Variants in ZBTB41 observed in about 807,000 individuals in gnomAD.
The protein encoded by ZBTB41 is zinc finger and BTB domain-containing protein 41.
A neutral mutation model predicts 87.6 loss-of-function variants in ZBTB41; 42 were observed. The ratio of observed to expected loss-of-function variants is 0.48; its 90% CI spans 0.37 to 0.62. ZBTB41 has a LOEUF of 0.62. ZBTB41 is among the 20% of genes least tolerant of loss of function. The pLI, the probability that ZBTB41 is intolerant of heterozygous loss-of-function variation, is 0.00. For synonymous variants in ZBTB41, 364 were observed against 364.0 expected, an observed-to-expected ratio of 1.00 and a Z score of 0.00; for missense variants, 799 against 1,078.9, an observed-to-expected ratio of 0.74 and a Z score of 3.63.
intron 10 of ZBTB41, among the ~76,000 whole-genome samples, chr1:197,162,660 C>G (rs56387334): frequency 0.3 from 46,058 of 151,940 alleles, 8,731 homozygotes; most frequent in Middle Eastern, 0.45. Context: ...AAAAAATAAC[C>G]CCCACACCCA....
intron 10 of ZBTB41, among the ~76,000 whole-genome samples, chr1:197,166,848 A>G (rs1309260554): frequency 1.3e-5 from 2 of 152,156 alleles, no homozygotes; most frequent in Admixed American, 6.5e-5. Context: ...CTCGGTCTCA[A>G]AAACAACAAC....
intron 10 of ZBTB41, among the ~76,000 whole-genome samples, chr1:197,170,611 T>C (rs927254326): frequency 6.6e-5 from 10 of 152,230 alleles, no homozygotes; most frequent in African/African-American, 2.4e-4. Flanking sequence ...ATCTCAAAAA[T>C]GGACTTGGGA....
chr1:197,184,828 T>A (rs201656885), intron 5 of ZBTB41, among the ~76,000 whole-genome samples: 1 of 71,446 alleles, frequency 1.4e-5, no homozygotes, highest in Admixed American at 2.0e-4. Flanking sequence ...TTATTTATAT[T>A]TTTGAGACAG....
intron 4 of ZBTB41, among the ~76,000 whole-genome samples, chr1:197,189,087 A>C (rs1175968620): frequency 6.6e-6 from 1 of 152,244 alleles, no homozygotes; most frequent in Admixed American, 6.5e-5. Flanking sequence ...ACACTATCTT[A>C]TGCAGACTAA....
At chr1:197,168,003 G>A (rs1219489249) in intron 10 of ZBTB41, among the ~76,000 whole-genome samples, 3 of 152,100 alleles carry the variant, frequency 2.0e-5, no homozygotes, top group Non-Finnish European at 4.4e-5. Flanking sequence ...TAACTTGTTT[G>A]CATGCTTTGA....
intron 10 of ZBTB41, among the ~76,000 whole-genome samples, chr1:197,166,688 A>G (rs1049733017): frequency 6.6e-6 from 1 of 151,968 alleles, no homozygotes; most frequent in Admixed American, 6.6e-5. Context: ...TACTTAAAAA[A>G]AAAAAAAAAT....
intron 5 of ZBTB41, among the ~76,000 whole-genome samples, chr1:197,185,446 C>A (rs115721762): frequency 1.3e-5 from 2 of 152,046 alleles, no homozygotes; most frequent in African/African-American, 2.4e-5. Context: ...AATACTATAG[C>A]GCATTCCAAA....
At chr1:197,172,345 A>G (rs1659503200) in intron 9 of ZBTB41, 97 bp from the exon 10 acceptor site, 1 of 317,988 alleles carries the variant, frequency 3.1e-6, no homozygotes. Flanking sequence ...AACATAATGA[A>G]AATAAGTTGC....
intron 6 of ZBTB41, among the ~76,000 whole-genome samples, chr1:197,180,335 GTGA>G (rs1206498436): frequency 6.6e-6 from 1 of 152,120 alleles, no homozygotes; most frequent in Non-Finnish European, 1.5e-5. Context: ...CTATATTTGT[GTGA>G]TGACAAAACT....
At chr1:197,184,794 C>CTATCTATTTATT (rs150086401) in intron 5 of ZBTB41, among the ~76,000 whole-genome samples, 1 of 147,560 alleles carries the variant, frequency 6.8e-6, no homozygotes, top group East Asian at 2.0e-4. Context: ...AAGTTTACAA[C>CTATCTATTTATT]TATTTATTTA....
intron 10 of ZBTB41, among the ~76,000 whole-genome samples, chr1:197,167,438 A>G (rs797012201): frequency 2.6e-5 from 4 of 152,274 alleles, no homozygotes; most frequent in African/African-American, 9.6e-5. Context: ...CAAGCAAATC[A>G]TCCACCTCGA....
chr1:197,197,873 C>T (rs1427415442), intron 2 of ZBTB41, among the ~76,000 whole-genome samples: 1 of 152,184 alleles, frequency 6.6e-6, no homozygotes, highest in Non-Finnish European at 1.5e-5. Context: ...TAGCATGTCA[C>T]GGGACTAATG....
intron 8 of ZBTB41, among the ~76,000 whole-genome samples, chr1:197,175,588 G>C (rs144275416): frequency 6.6e-6 from 1 of 150,694 alleles, no homozygotes; most frequent in African/African-American, 2.4e-5. Context: ...GATTTCTTAC[G>C]TTTGCAATGA....
chr1:197,166,270 CAA>C (rs1221458311), intron 10 of ZBTB41, among the ~76,000 whole-genome samples: 5 of 151,664 alleles, frequency 3.3e-5, no homozygotes, highest in Non-Finnish European at 7.4e-5. Flanking sequence ...AATAAATCAA[CAA>C]AGAGAAAAAT....
chr1:197,159,032 A>G lies in ZBTB41; in HGVS notation c.*327T>C. ...AGAAGGAGAGGAATGAGACTAAAGA[A>G]GAATAAAAATTTCCACTGATGATTA... On this transcript the variant is annotated 3_prime_UTR_variant, in exon 11 of 11. Coordinates refer to ENST00000367405, the MANE Select transcript of ZBTB41 (RefSeq NM_194314.3). The G allele has an allele frequency of 3.9e-6, 1 of 258,698 alleles. No homozygotes were observed. The highest frequency in any genetic ancestry group is 5.2e-5 in the South Asian group (1 of 19,360). The allele number at this position is 258,698 out of a possible 1,614,324, so 16.0% of individuals were successfully genotyped here. A position where few individuals can be genotyped will look rare whatever the true frequency, so the allele number is the denominator to read the frequency against.
chr1:197,181,712 A>C (rs754469020), intron 5 of ZBTB41, among the ~76,000 whole-genome samples: 8 of 152,222 alleles, frequency 5.3e-5, no homozygotes, highest in Non-Finnish European at 8.8e-5. Flanking sequence ...ATGTCTCAGT[A>C]TATGGAAGGA....
rs1346541070 is a variant in ZBTB41, at chr1:197,155,495, T to G, written c.*3864A>C. The G allele has an allele frequency of 6.6e-6, 1 of 152,250 alleles. No homozygotes were observed. The highest frequency in any genetic ancestry group is 1.5e-5 in the Non-Finnish European group (1 of 67,814). 9.4% of individuals were successfully genotyped at this position (152,250 alleles called of 1,614,324 possible). A position where few individuals can be genotyped will look rare whatever the true frequency, so the allele number is the denominator to read the frequency against. ...AAAGACTGGGTATAAAAGGACACTG[T>G]CAAAGAGCTACTGCTCAAAATCTGA... On this transcript the variant is annotated 3_prime_UTR_variant, in exon 11 of 11. Coordinates refer to ENST00000367405, the MANE Select transcript of ZBTB41 (RefSeq NM_194314.3).
intron 2 of ZBTB41, among the ~76,000 whole-genome samples, chr1:197,195,003 G>T (rs779308191): frequency 6.6e-6 from 1 of 151,924 alleles, no homozygotes; most frequent in Non-Finnish European, 1.5e-5. Flanking sequence ...GTTTTGTTTC[G>T]TTTTGTTTTT....
At position 197,169,490 on chromosome 1, in the gene ZBTB41, A is replaced by T. The variant is rs1478864336; in HGVS notation, c.2074+2670T>A. On this transcript the variant is annotated intron_variant, in intron 10 of 10. Coordinates refer to ENST00000367405, the MANE Select transcript of ZBTB41 (RefSeq NM_194314.3). ...ACATGATTTCACTTATATGAAGTTC[A>T]AATAGACAAAATTAATTTTTGGTGC... Among the ~76,000 whole-genome samples, 3 of 152,080 alleles carry T rather than the reference A, an allele frequency of 2.0e-5. No individual in the cohort carries two copies. The East Asian group carries it at 5.8e-4, about 29-fold the overall frequency.
Sources: gnomAD v4.1 joint callset for allele counts (sites outside exome capture counted in the v4.1 genomes callset) on GRCh38, gnomAD v4.1.1 for gene constraint, MANE v1.5 for transcripts, NCBI Gene and HGNC (gene_info 2026-07-23, HGNC 2026-07-21) for gene names.